The following GALNT13 variants were observed in gnomAD, a reference collection of about 807,000 sequenced individuals.
GALNT13 encodes polypeptide N-acetylgalactosaminyltransferase 13.
GALNT13 carries 28 observed loss-of-function variants against 64.2 expected under a neutral mutation model. The observed-to-expected ratio is 0.44, with a 90% CI of 0.32 to 0.60. The LOEUF (loss-of-function observed/expected upper bound fraction) is 0.60, where lower values mean the gene tolerates loss of function less well. GALNT13 is among the 20% of genes least tolerant of loss of function. The pLI, the probability that GALNT13 is intolerant of heterozygous loss-of-function variation, is 0.05. For synonymous variants in GALNT13, 214 were observed against 224.6 expected (o/e 0.95, Z 0.42); for missense variants, 577 against 669.8 (o/e 0.86, Z 1.53).
the GALNT13 span, among the ~76,000 whole-genome samples, chr2:153,278,291 G>A: frequency 6.6e-6 from 1 of 151,986 alleles, no homozygotes; most frequent in South Asian, 2.1e-4. Context: ...AATATTTTCT[G>A]TCATTCTGTA....
chr2:154,390,474 G>A (rs536950275), intron 9 of GALNT13, among the ~76,000 whole-genome samples: 39 of 152,262 alleles, frequency 2.6e-4, no homozygotes, highest in Admixed American at 3.9e-4. Flanking sequence ...GTGAGAGCAC[G>A]TGGTATGTGG....
chr2:154,355,008 T>C (rs1367370039), intron 9 of GALNT13, among the ~76,000 whole-genome samples: 2 of 152,098 alleles, frequency 1.3e-5, no homozygotes, highest in African/African-American at 2.4e-5. Flanking sequence ...TTAGATTCAG[T>C]TGGAATTGAA....
chr2:153,640,877 T>C, the GALNT13 span, among the ~76,000 whole-genome samples: 2 of 152,134 alleles, frequency 1.3e-5, no homozygotes, highest in African/African-American at 4.8e-5. Flanking sequence ...GTGGCAACTT[T>C]CTTACTAATT....
the GALNT13 span, among the ~76,000 whole-genome samples, chr2:153,343,696 T>C: frequency 1.3e-5 from 2 of 152,138 alleles, no homozygotes; most frequent in Admixed American, 1.3e-4. Context: ...CTATCCTGCT[T>C]ATCCTGACTA....
chr2:153,974,018 TG>T (rs1693913557), intron 3 of GALNT13, among the ~76,000 whole-genome samples: 1 of 152,074 alleles, frequency 6.6e-6, no homozygotes, highest in South Asian at 2.1e-4. Context: ...ACTTTTACTT[TG>T]AACTAGTTCC....
the GALNT13 span, among the ~76,000 whole-genome samples, chr2:153,863,825 G>A: frequency 2.0e-5 from 3 of 152,074 alleles, no homozygotes; most frequent in Admixed American, 1.3e-4. Flanking sequence ...ACCTTCCTAG[G>A]ATTCACGCTC....
the GALNT13 span, among the ~76,000 whole-genome samples, chr2:153,205,841 AC>A: frequency 6.6e-6 from 1 of 152,088 alleles, no homozygotes; most frequent in Non-Finnish European, 1.5e-5. Flanking sequence ...GTTACCCAGA[AC>A]CTTTAGGACT....
At chr2:153,839,951 A>T in the GALNT13 span, among the ~76,000 whole-genome samples, 1 of 152,078 alleles carries the variant, frequency 6.6e-6, no homozygotes, top group East Asian at 1.9e-4. Flanking sequence ...TGACTTAGTG[A>T]CGGGGCAAAC....
chr2:153,443,519 A>G, the GALNT13 span, among the ~76,000 whole-genome samples: 1 of 152,220 alleles, frequency 6.6e-6, no homozygotes, highest in African/African-American at 2.4e-5. Context: ...TTTCATAAAT[A>G]TGTCACTATC....
the GALNT13 span, among the ~76,000 whole-genome samples, chr2:153,377,105 A>G: frequency 6.6e-6 from 1 of 152,164 alleles, no homozygotes; most frequent in Non-Finnish European, 1.5e-5. Flanking sequence ...TGATGTCCTT[A>G]TAAGAAAAGG....
chr2:153,431,189 A>G, the GALNT13 span, among the ~76,000 whole-genome samples: 1 of 151,530 alleles, frequency 6.6e-6, no homozygotes, highest in African/African-American at 2.4e-5. Context: ...AATTAGGTAT[A>G]CTGTATTTTA....
At chr2:153,260,751 G>A in the GALNT13 span, among the ~76,000 whole-genome samples, 4 of 152,078 alleles carry the variant, frequency 2.6e-5, no homozygotes, top group Non-Finnish European at 2.9e-5. Context: ...GATTTGAGAA[G>A]TTTTCTGTTA....
the GALNT13 span, among the ~76,000 whole-genome samples, chr2:153,452,652 A>G: frequency 2.0e-5 from 3 of 152,168 alleles, no homozygotes; most frequent in African/African-American, 7.2e-5. Context: ...AAAACATTCC[A>G]TGCCCATGGA....
At chr2:153,451,212 A>G in the GALNT13 span, among the ~76,000 whole-genome samples, 1 of 152,218 alleles carries the variant, frequency 6.6e-6, no homozygotes, top group Non-Finnish European at 1.5e-5. Flanking sequence ...AGCATTCATT[A>G]GTAAATTGTG....
chr2:153,322,440 T>A, the GALNT13 span, among the ~76,000 whole-genome samples: 1 of 152,080 alleles, frequency 6.6e-6, no homozygotes, highest in Non-Finnish European at 1.5e-5. Context: ...AGATTACATG[T>A]CTTTCGTTAT....
intron 9 of GALNT13, among the ~76,000 whole-genome samples, chr2:154,374,797 C>G (rs1164597315): frequency 1.3e-5 from 2 of 152,006 alleles, no homozygotes; most frequent in African/African-American, 2.4e-5. Context: ...TGCTCCAAGC[C>G]CAGATTTTTA....
At chr2:153,228,592 A>T in the GALNT13 span, among the ~76,000 whole-genome samples, 2 of 152,132 alleles carry the variant, frequency 1.3e-5, no homozygotes, top group Non-Finnish European at 2.9e-5. Flanking sequence ...AAGAATGTAG[A>T]TACGAGGCAG....
At chr2:153,828,810 T>C in the GALNT13 span, among the ~76,000 whole-genome samples, 20 of 152,314 alleles carry the variant, frequency 1.3e-4, no homozygotes, top group Non-Finnish European at 2.9e-4. Context: ...TTCTGAACTT[T>C]TATGCTCTGC....
intron 11 of GALNT13, among the ~76,000 whole-genome samples, chr2:154,423,488 C>T (rs1392282474): frequency 6.6e-6 from 1 of 152,212 alleles, no homozygotes; most frequent in Non-Finnish European, 1.5e-5. Flanking sequence ...AATCACCACA[C>T]TGTCTTCTAC....
Sources: gnomAD v4.1 joint callset for allele counts (sites outside exome capture counted in the v4.1 genomes callset) on GRCh38, gnomAD v4.1.1 for gene constraint, MANE v1.5 for transcripts, NCBI Gene and HGNC (gene_info 2026-07-23, HGNC 2026-07-21) for gene names.